RBFOX1: variants seen among roughly 807,000 people sequenced by gnomAD.
RBFOX1 encodes the protein RNA binding protein fox-1 homolog 1.
A neutral mutation model predicts 57.7 loss-of-function variants in RBFOX1; 8 were observed. The observed-to-expected ratio is 0.14, with a 90% CI of 0.08 to 0.25. The LOEUF (loss-of-function observed/expected upper bound fraction) is 0.25, where lower values mean the gene tolerates loss of function less well. Ranked by LOEUF, RBFOX1 falls within the 10% of genes least tolerant of loss-of-function variation. The pLI is 1.00. For synonymous variants in RBFOX1, 326 were observed against 222.4 expected, an observed-to-expected ratio of 1.47 and a Z score of -4.15; for missense variants, 611 against 548.5, an observed-to-expected ratio of 1.11 and a Z score of -1.14.
At chr16:7,642,627 T>C (rs2063032921) in intron 11 of RBFOX1, among the ~76,000 whole-genome samples, 2 of 152,208 alleles carry the variant, frequency 1.3e-5, no homozygotes, top group Non-Finnish European at 2.9e-5. Context: ...CATGAATGAT[T>C]TAACAATTGA....
intron 3 of RBFOX1, among the ~76,000 whole-genome samples, chr16:6,741,107 A>C (rs1290490832): frequency 6.6e-6 from 1 of 152,174 alleles, no homozygotes; most frequent in African/African-American, 2.4e-5. Flanking sequence ...ATGCAAAAGC[A>C]ATTTAATGGG....
At chr16:5,865,411 G>A (rs547960537) in intron 3 of RBFOX1, among the ~76,000 whole-genome samples, 3 of 152,296 alleles carry the variant, frequency 2.0e-5, no homozygotes, top group Admixed American at 2.0e-4. Context: ...GTTTCCCCAT[G>A]GCTGGGCCCC....
intron 12 of RBFOX1, among the ~76,000 whole-genome samples, chr16:7,663,504 CGTGTGTGTGT>C (rs57358282): frequency 5.4e-5 from 8 of 148,956 alleles, no homozygotes; most frequent in Admixed American, 1.3e-4. Context: ...GTCAGTACAG[CGTGTGTGTGT>C]GTGTGTGTGT....
intron 2 of RBFOX1, among the ~76,000 whole-genome samples, chr16:5,506,460 GA>G (rs2043382623): frequency 6.6e-6 from 1 of 152,134 alleles, no homozygotes; most frequent in Non-Finnish European, 1.5e-5. Flanking sequence ...CCAGACCAGA[GA>G]AAAACAAACA....
intron 1 of RBFOX1, among the ~76,000 whole-genome samples, chr16:5,326,628 C>T (rs1237099400): frequency 6.6e-6 from 1 of 152,174 alleles, no homozygotes; most frequent in Non-Finnish European, 1.5e-5. Context: ...TTTCAGAGGG[C>T]TGTGACTCAT....
At chr16:6,859,189 A>G (rs28373901) in intron 3 of RBFOX1, among the ~76,000 whole-genome samples, 1 of 98,982 alleles carries the variant, frequency 1.0e-5, no homozygotes, top group African/African-American at 3.9e-5. Flanking sequence ...ATATATGTAT[A>G]TATATATGTA....
intron 3 of RBFOX1, among the ~76,000 whole-genome samples, chr16:7,009,216 G>C (rs2093522718): frequency 8.3e-6 from 1 of 120,690 alleles, no homozygotes; most frequent in African/African-American, 3.0e-5. Flanking sequence ...CTTTCTCTCT[G>C]TCCCTCTTTC....
At chr16:6,055,647 C>G (rs866143923) in intron 1 of RBFOX1, among the ~76,000 whole-genome samples, 9 of 148,620 alleles carry the variant, frequency 6.1e-5, no homozygotes, top group Middle Eastern at 3.6e-3. Context: ...AGTTCCTACT[C>G]TCATGGAAGT....
intron 4 of RBFOX1, among the ~76,000 whole-genome samples, chr16:7,277,500 TTG>T (rs2141029124): frequency 6.6e-6 from 1 of 152,300 alleles, no homozygotes; most frequent in African/African-American, 2.4e-5. Flanking sequence ...GAAGCCACAA[TTG>T]TTAGTGTAGC....
intron 1 of RBFOX1, among the ~76,000 whole-genome samples, chr16:5,269,385 A>G (rs573971590): frequency 6.6e-6 from 1 of 152,396 alleles, no homozygotes; most frequent in East Asian, 1.9e-4. Context: ...ATATTCAAAA[A>G]TGAAAGCACA....
chr16:5,706,469 G>A (rs1567424434), intron 3 of RBFOX1, among the ~76,000 whole-genome samples: 1 of 152,176 alleles, frequency 6.6e-6, no homozygotes, highest in Non-Finnish European at 1.5e-5. Flanking sequence ...TGCTGGGTGA[G>A]TCATGATGCA....
chr16:5,767,027 T>C (rs181247875), intron 3 of RBFOX1, among the ~76,000 whole-genome samples: 1 of 152,366 alleles, frequency 6.6e-6, no homozygotes, highest in African/African-American at 2.4e-5. Flanking sequence ...GTTGTGGTTT[T>C]CACTTTGTAG....
chr16:7,027,091 T>C (rs1477284820), intron 3 of RBFOX1, among the ~76,000 whole-genome samples: 1 of 152,130 alleles, frequency 6.6e-6, no homozygotes, highest in Non-Finnish European at 1.5e-5. Context: ...GGGGAGGCTC[T>C]TTCCTGAACC....
At chr16:7,029,571 G>C (rs2042265749) in intron 3 of RBFOX1, among the ~76,000 whole-genome samples, 1 of 152,078 alleles carries the variant, frequency 6.6e-6, no homozygotes, top group Admixed American at 6.6e-5. Flanking sequence ...CTCCAAACAG[G>C]AGAGTAACTT....
intron 4 of RBFOX1, among the ~76,000 whole-genome samples, chr16:7,161,053 C>T (rs11644264): frequency 0.62 from 93,443 of 151,926 alleles, 31,187 homozygotes; most frequent in Non-Finnish European, 0.74. Context: ...TCAGGTTGTT[C>T]CCAGCTACCC....
chr16:5,421,439 G>A (rs961816392), intron 1 of RBFOX1, among the ~76,000 whole-genome samples: 3 of 152,166 alleles, frequency 2.0e-5, no homozygotes, highest in Admixed American at 1.3e-4. Flanking sequence ...TGGCCTTGGG[G>A]GTGTCCACGT....
intron 3 of RBFOX1, among the ~76,000 whole-genome samples, chr16:6,877,518 G>T (rs186539187): frequency 3.9e-5 from 6 of 152,268 alleles, no homozygotes; most frequent in African/African-American, 1.4e-4. Context: ...AGGAAAAAGA[G>T]CATCGACTCT....
intron 1 of RBFOX1, among the ~76,000 whole-genome samples, chr16:5,370,351 G>C (rs1201683566): frequency 2.6e-5 from 4 of 151,818 alleles, no homozygotes; most frequent in Non-Finnish European, 4.4e-5. Context: ...ACATTCAGCT[G>C]TTTGACGTCC....
chr16:7,342,249 C>A (rs536066869), intron 4 of RBFOX1, among the ~76,000 whole-genome samples: 2 of 152,280 alleles, frequency 1.3e-5, no homozygotes, highest in East Asian at 1.9e-4. Flanking sequence ...ACTCTACTCA[C>A]AAGGCCTTTG....
Sources: allele counts gnomAD v4.1 joint callset (sites outside exome capture counted in the v4.1 genomes callset), GRCh38; gene constraint gnomAD v4.1.1; transcripts MANE v1.5; gene names NCBI Gene and HGNC (gene_info 2026-07-23, HGNC 2026-07-21).